PARD3: variants seen among roughly 807,000 people sequenced by gnomAD.
PARD3 encodes the protein partitioning defective 3 homolog.
A neutral mutation model predicts 155.4 loss-of-function variants in PARD3; 75 were observed. That is an observed-to-expected ratio of 0.48 (90% CI 0.40 to 0.58). The LOEUF is 0.58. Among genes scored for constraint, PARD3 ranks in the 20% least tolerant of loss-of-function variants. The pLI, the probability that PARD3 is intolerant of heterozygous loss-of-function variation, is 0.00. For synonymous variants in PARD3, 576 were observed against 610.5 expected (o/e 0.94, Z 0.83); for missense variants, 1,642 against 1,721.7 (o/e 0.95, Z 0.82).
intron 22 of PARD3, among the ~76,000 whole-genome samples, chr10:34,213,224 T>C (rs1016095938): frequency 6.6e-6 from 1 of 152,078 alleles, no homozygotes; most frequent in Non-Finnish European, 1.5e-5. Flanking sequence ...GGGGTGGGTG[T>C]GTGCAAAGAG....
intron 21 of PARD3, among the ~76,000 whole-genome samples, chr10:34,271,595 T>A (rs1955612631): frequency 1.3e-5 from 2 of 152,312 alleles, no homozygotes; most frequent in East Asian, 3.9e-4. Flanking sequence ...GGTTCCCTCA[T>A]GCATAATGGA....
intron 2 of PARD3, among the ~76,000 whole-genome samples, chr10:34,632,982 G>T (rs1017837097): frequency 1.2e-4 from 18 of 152,244 alleles, no homozygotes; most frequent in African/African-American, 4.1e-4. Context: ...AAACAACAGA[G>T]CGGGGCTTTC....
At chr10:34,591,581 G>T (rs1021980176) in intron 2 of PARD3, among the ~76,000 whole-genome samples, 2 of 152,136 alleles carry the variant, frequency 1.3e-5, no homozygotes, top group African/African-American at 4.8e-5. Flanking sequence ...ATGACTTGTC[G>T]ATCAGGGGAG....
intron 20 of PARD3, among the ~76,000 whole-genome samples, chr10:34,294,716 A>G (rs1323858094): frequency 1.3e-5 from 2 of 152,204 alleles, no homozygotes; most frequent in African/African-American, 2.4e-5. Flanking sequence ...AAAAACTGCT[A>G]AGAATTGGAA....
chr10:34,656,597 T>C (rs1488199302), intron 2 of PARD3, among the ~76,000 whole-genome samples: 1 of 152,360 alleles, frequency 6.6e-6, no homozygotes, highest in East Asian at 1.9e-4. Flanking sequence ...GATTTGCTTA[T>C]TGTTATGCTT....
intron 1 of PARD3, among the ~76,000 whole-genome samples, chr10:34,802,523 G>A (rs1195674258): frequency 2.0e-5 from 3 of 152,154 alleles, no homozygotes. Flanking sequence ...CCAAATTACA[G>A]ACAGGAAAAC....
chr10:34,292,457 T>G (rs1956719262), intron 20 of PARD3, among the ~76,000 whole-genome samples: 1 of 152,060 alleles, frequency 6.6e-6, no homozygotes, highest in African/African-American at 2.4e-5. Context: ...AGCTCCTATT[T>G]AGGCAAAAAA....
intron 2 of PARD3, among the ~76,000 whole-genome samples, chr10:34,661,461 G>A (rs1413728134): frequency 6.6e-6 from 1 of 152,150 alleles, no homozygotes; most frequent in Non-Finnish European, 1.5e-5. Context: ...GAAAGAACAT[G>A]AATTGGCTAA....
intron 3 of PARD3, among the ~76,000 whole-genome samples, chr10:34,479,690 G>A (rs1490920397): frequency 1.3e-5 from 2 of 151,990 alleles, no homozygotes; most frequent in South Asian, 2.1e-4. Flanking sequence ...ACTGCATGGC[G>A]CACCAGTGCT....
At chr10:34,594,985 C>A (rs1263266924) in intron 2 of PARD3, among the ~76,000 whole-genome samples, 3 of 152,126 alleles carry the variant, frequency 2.0e-5, no homozygotes, top group Non-Finnish European at 4.4e-5. Context: ...ACGGTAATGT[C>A]TAAAACACAC....
At chr10:34,188,790 A>T (rs923636737) in intron 22 of PARD3, among the ~76,000 whole-genome samples, 3 of 151,528 alleles carry the variant, frequency 2.0e-5, no homozygotes, top group African/African-American at 7.3e-5. Flanking sequence ...CAATTTTCCA[A>T]CTCCCCAGAA....
intron 2 of PARD3, among the ~76,000 whole-genome samples, chr10:34,593,631 C>T (rs577923776): frequency 1.3e-5 from 2 of 152,262 alleles, no homozygotes; most frequent in African/African-American, 4.8e-5. Flanking sequence ...AATTACATTT[C>T]ACAATTTCCA....
chr10:34,248,633 GTCTAC>G (rs1954108299), intron 22 of PARD3, among the ~76,000 whole-genome samples: 1 of 152,264 alleles, frequency 6.6e-6, no homozygotes, highest in Admixed American at 6.5e-5. Flanking sequence ...CTCATGCTCT[GTCTAC>G]AATAGCACCT....
At chr10:34,269,986 A>C in intron 21 of PARD3, 87 bp from the exon 22 acceptor site, 5 of 1,288,052 alleles carry the variant, frequency 3.9e-6, no homozygotes, top group African/African-American at 1.5e-5. Flanking sequence ...ATATGTTGTA[A>C]AATATATTTG....
chr10:34,645,852 A>C (rs1355095567), intron 2 of PARD3, among the ~76,000 whole-genome samples: 1 of 152,226 alleles, frequency 6.6e-6, no homozygotes, highest in East Asian at 1.9e-4. Flanking sequence ...TATATCTGAC[A>C]TGTTCTAATT....
chr10:34,518,516 C>T (rs2081930987), intron 2 of PARD3, among the ~76,000 whole-genome samples: 1 of 152,186 alleles, frequency 6.6e-6, no homozygotes, highest in South Asian at 2.1e-4. Flanking sequence ...CAGGTGTCAA[C>T]CTGAAGGGGC....
intron 22 of PARD3, among the ~76,000 whole-genome samples, chr10:34,174,197 C>T (rs1268558131): frequency 6.6e-6 from 1 of 152,152 alleles, no homozygotes; most frequent in Non-Finnish European, 1.5e-5. Context: ...TCTAGTGGGG[C>T]TGCTCAAAAC....
At chr10:34,545,466 A>G (rs2083967078) in intron 2 of PARD3, among the ~76,000 whole-genome samples, 1 of 152,258 alleles carries the variant, frequency 6.6e-6, no homozygotes, top group African/African-American at 2.4e-5. Flanking sequence ...TGACATGGAC[A>G]TTGACAGAAA....
chr10:34,276,275 G>A (rs1269119986), intron 21 of PARD3, among the ~76,000 whole-genome samples: 1 of 151,758 alleles, frequency 6.6e-6, no homozygotes, highest in Non-Finnish European at 1.5e-5. Context: ...GTTCCATTAT[G>A]ATAATGAAAT....
Sources: gnomAD v4.1 joint callset for allele counts (sites outside exome capture counted in the v4.1 genomes callset) on GRCh38, gnomAD v4.1.1 for gene constraint, MANE v1.5 for transcripts, NCBI Gene and HGNC (gene_info 2026-07-23, HGNC 2026-07-21) for gene names.